BCKDK: variants seen among roughly 807,000 people sequenced by gnomAD.
BCKDK encodes branched chain keto acid dehydrogenase kinase.
A neutral mutation model predicts 43.9 loss-of-function variants in BCKDK; 28 were observed. The ratio of observed to expected loss-of-function variants is 0.64; its 90% confidence interval spans 0.47 to 0.87. BCKDK has a LOEUF of 0.87. Among genes scored for constraint, BCKDK ranks in the 40% least tolerant of loss-of-function variants. The pLI, the probability that BCKDK is intolerant of heterozygous loss-of-function variation, is 0.00. For missense variants in BCKDK, 483 were observed against 581.4 expected (o/e 0.83, Z 1.74); for synonymous variants, 257 against 234.3 (o/e 1.10, Z -0.88).
downstream of BCKDK, among the ~76,000 whole-genome samples, chr16:31,117,065 C>G (rs1024794469): frequency 6.6e-6 from 1 of 151,794 alleles, no homozygotes; most frequent in African/African-American, 2.4e-5. Context: ...TCCGCAGGTA[C>G]CAGGGCCTTT....
chr16:31,109,473 T>C lies in BCKDK; in HGVS notation c.196-38T>C, dbSNP rs1596808297. Reference sequence around the variant, plus strand: ...CGGGATGTAGGCGGGAGGGAGAGTGTTGGGGGTTCTCTGCTCAAGGCCTCT... The same window carrying C: ...CGGGATGTAGGCGGGAGGGAGAGTGCTGGGGGTTCTCTGCTCAAGGCCTCT... On this transcript the variant is annotated intron_variant, in intron 2 of 11. Coordinates refer to ENST00000219794, the MANE Select transcript of BCKDK (RefSeq NM_005881.4). The surrounding 1 kb of genome is among the most constrained non-coding windows in gnomAD (Gnocchi z 5.3). 1.9e-6 allele frequency: 3 copies of C among 1,613,634 alleles called. No individual in the cohort carries two copies. The highest frequency in any genetic ancestry group is 4.5e-5 in the East Asian group (2 of 44,844).
In BCKDK at chr16:31,112,481, C is replaced by G. The variant is rs898039227; in HGVS notation, c.*216C>G. 2 of 714,532 alleles carry G rather than the reference C, an allele frequency of 2.8e-6. No homozygotes were observed. Among genetic ancestry groups the G allele is most frequent in the Non-Finnish European group, 4.8e-6 (2 of 414,438 alleles). The allele number at this position is 714,532 out of a possible 1,614,324, so 44.3% of individuals were successfully genotyped here. A position where few individuals can be genotyped will look rare whatever the true frequency, so the allele number is the denominator to read the frequency against. ...AACTTGGAGCAGGGAAGTGGGCACC[C>G]TGAGGCCTCCAGCACCAGTTCCGTC... is the stretch of plus-strand genomic sequence containing the variant. On this transcript the variant is annotated 3_prime_UTR_variant, in exon 12 of 12. Coordinates refer to ENST00000219794, the MANE Select transcript of BCKDK (RefSeq NM_005881.4). This position sits in a 1 kb window ranked among gnomAD's most constrained non-coding sequence, Gnocchi z 5.0.
chr16:31,112,247 G>A lies in BCKDK; in HGVS notation c.1221G>A (p.Glu407=), dbSNP rs778775154. ...YLRLRHIDGR[E]ESFRI Reference sequence around the variant, plus strand: ...GGCTCCGCCACATCGATGGCCGGGAGGAAAGCTTCCGGATCTGACCCCACA... The same window carrying A: ...GGCTCCGCCACATCGATGGCCGGGAAGAAAGCTTCCGGATCTGACCCCACA... Residue 407 remains glutamate, a synonymous_variant, in exon 12 of 12, where the codon GAG becomes GAA. Coordinates refer to ENST00000219794, the MANE Select transcript of BCKDK (RefSeq NM_005881.4). This position sits in a 1 kb window ranked among gnomAD's most constrained non-coding sequence, Gnocchi z 5.0. 6 of 1,610,068 alleles carry A rather than the reference G, an allele frequency of 3.7e-6. No homozygotes were observed. The highest frequency in any genetic ancestry group is 4.2e-6 in the Non-Finnish European group (5 of 1,179,974).
chr16:31,109,598 A>G lies in BCKDK; in HGVS notation c.264+19A>G, dbSNP rs773734655. The G allele has an allele frequency of 7.4e-6, 12 of 1,613,308 alleles. No individual in the cohort carries two copies. The highest frequency in any genetic ancestry group is 4.0e-5 in the African/African-American group (3 of 74,694). On this transcript the variant is annotated intron_variant, in intron 3 of 11. Transcript: ENST00000219794. This position sits in a 1 kb window ranked among gnomAD's most constrained non-coding sequence, Gnocchi z 5.3. ...CCTTCTGGTAAGATTCACGCCCTCT[A>G]TTTTCCTCGTGGATCCTGGAGCTCT...
chr16:31,111,974 CCT>C lies in BCKDK; in HGVS notation c.1044_1045del (p.Phe349TrpfsTer7), dbSNP rs1399547974. 3.7e-6 allele frequency: 6 copies of C among 1,614,042 alleles called. No homozygotes were observed. Among genetic ancestry groups the C allele is most frequent in the South Asian group, 1.1e-5 (1 of 91,088 alleles). ...ASTQDPRISP[L>X]FGHLDMHSGA... Reference sequence around the variant, plus strand: ...GCACACAGGACCCCCGGATCAGCCCCCTCTTTGGCCATCTGGACATGCATAGT... The same window carrying C: ...GCACACAGGACCCCCGGATCAGCCCCCTTTGGCCATCTGGACATGCATAGT... On this transcript the variant is annotated frameshift_variant, in exon 11 of 12. Coordinates refer to ENST00000219794, the MANE Select transcript of BCKDK (RefSeq NM_005881.4). LOFTEE classifies it high-confidence loss of function.
In BCKDK at chr16:31,109,168, T is replaced by TCA; in HGVS notation, c.-55_-54dup. ...GCCCCATTTTGGGTCGCCTGGGTCC[T>TCA]CAGTCCTAGCGGATCCTCAGTCCTA... On this transcript the variant is annotated 5_prime_UTR_variant, in exon 2 of 12. Coordinates refer to ENST00000219794, the MANE Select transcript of BCKDK (RefSeq NM_005881.4). The surrounding 1 kb of genome is among the most constrained non-coding windows in gnomAD (Gnocchi z 5.3). 7.4e-7 allele frequency: 1 copy of TCA among 1,351,942 alleles called. No homozygotes were observed. The highest frequency in any genetic ancestry group is 2.7e-5 in the East Asian group (1 of 36,474). 83.7% of individuals were successfully genotyped at this position (1,351,942 alleles called of 1,614,324 possible).
downstream of BCKDK, chr16:31,117,497 C>T (rs564382071): frequency 4.5e-6 from 2 of 440,210 alleles, no homozygotes; most frequent in Admixed American, 4.4e-5. Context: ...AAACCAGGAG[C>T]TCCAAGACTG....
At chr16:31,113,444 ACAT>A (rs2057428777), downstream of BCKDK, among the ~76,000 whole-genome samples, 1 of 152,206 alleles carries the variant, frequency 6.6e-6, no homozygotes, top group Admixed American at 6.5e-5. Flanking sequence ...GGGCCCTGAA[ACAT>A]GGGATTTATC....
At position 31,110,153 on chromosome 16, in the gene BCKDK, G is replaced by A; in HGVS notation, c.423+29G>A. The A allele has an allele frequency of 6.2e-7, 1 of 1,614,186 alleles. No homozygotes were observed. Among genetic ancestry groups the A allele is most frequent in the Non-Finnish European group, 8.5e-7 (1 of 1,180,036 alleles). ...AGTGCTGGGCCAGAGCAGGGTGAGG[G>A]GCTGAGAGGTTGGGCTTGGACCACC... On this transcript the variant is annotated intron_variant, in intron 5 of 11. Transcript: ENST00000219794. The surrounding 1 kb of genome is among the most constrained non-coding windows in gnomAD (Gnocchi z 5.4).
chr16:31,109,543 C>T lies in BCKDK; in HGVS notation c.228C>T (p.Leu76=). The change falls in exon 3 of 12, where the codon CTC becomes CTT. Residue 76 remains leucine (L), a synonymous_variant. Coordinates refer to ENST00000219794, the MANE Select transcript of BCKDK (RefSeq NM_005881.4). This position sits in a 1 kb window ranked among gnomAD's most constrained non-coding sequence, Gnocchi z 5.3. The part of the protein sequence containing the change: ...PSVRLTPTMM[L]YAGRSQDGSH... ...TCCGCCTAACGCCCACCATGATGCT[C>T]TACGCTGGCCGCTCTCAGGACGGCA... 1 of 1,614,124 alleles carries T rather than the reference C, an allele frequency of 6.2e-7. No homozygotes were observed. Among genetic ancestry groups the T allele is most frequent in the Non-Finnish European group, 8.5e-7 (1 of 1,180,016 alleles).
In BCKDK at chr16:31,112,444, CCT is replaced by C. The variant is rs1439038402; in HGVS notation, c.*181_*182del. 2.0e-6 allele frequency: 2 copies of C among 1,022,288 alleles called. No homozygotes were observed. The highest frequency in any genetic ancestry group is 4.1e-5 in the Admixed American group (2 of 49,056). 63.3% of individuals were successfully genotyped at this position (1,022,288 alleles called of 1,614,324 possible). On this transcript the variant is annotated 3_prime_UTR_variant, in exon 12 of 12. Coordinates refer to ENST00000219794, the MANE Select transcript of BCKDK (RefSeq NM_005881.4). The surrounding 1 kb of genome is among the most constrained non-coding windows in gnomAD (Gnocchi z 5.0). ...CCTGCCTCAACAGGGTCCATTGCCTCCTCGCCTCCAGAACTTGGAGCAGGGAA... is the reference window on the plus strand; with the variant it reads ...CCTGCCTCAACAGGGTCCATTGCCTCCGCCTCCAGAACTTGGAGCAGGGAA...
rs2057385849 is a variant in BCKDK at position 31,108,930 on chromosome 16, C to T, written c.-177-117C>T. On this transcript the variant is annotated intron_variant, in intron 1 of 11. Coordinates refer to ENST00000219794, the MANE Select transcript of BCKDK (RefSeq NM_005881.4). The surrounding 1 kb of genome is among the most constrained non-coding windows in gnomAD (Gnocchi z 6.2). ...CGCGGCCTGTGTGCATCTGGGGAGACGGTGGGAGTGGTGGGGAGAGGTCGC... is the reference window on the plus strand; with the variant it reads ...CGCGGCCTGTGTGCATCTGGGGAGATGGTGGGAGTGGTGGGGAGAGGTCGC... 1.1e-5 allele frequency: 3 copies of T among 278,814 alleles called. 1 individual carries two copies. Among genetic ancestry groups the T allele is most frequent in the Admixed American group, 9.8e-5 (2 of 20,392 alleles). The allele number at this position is 278,814 out of a possible 1,614,324, so 17.3% of individuals were successfully genotyped here. A position where few individuals can be genotyped will look rare whatever the true frequency, so the allele number is the denominator to read the frequency against.
downstream of BCKDK, among the ~76,000 whole-genome samples, chr16:31,113,674 T>C (rs551322493): frequency 6.6e-6 from 1 of 152,224 alleles, no homozygotes; most frequent in Non-Finnish European, 1.5e-5. Flanking sequence ...CAAAGCCCTA[T>C]GTTGCCCCGG....
Position 31,109,431 on chromosome 16 carries a change from G to A in BCKDK, c.195+13G>A. 6.2e-7 allele frequency: 1 copy of A among 1,611,794 alleles called. No individual in the cohort carries two copies. Among genetic ancestry groups the A allele is most frequent in the Non-Finnish European group, 8.5e-7 (1 of 1,178,680 alleles). On this transcript the variant is annotated intron_variant, in intron 2 of 11. Transcript: ENST00000219794. The surrounding 1 kb of genome is among the most constrained non-coding windows in gnomAD (Gnocchi z 5.3). The stretch of plus-strand genomic sequence containing the variant: ...GGCAGCGGAGAAGGTGCGCAAGGGG[G>A]CAGCCAGCCCAGGGTCCGGGATGTA...
rs775340971 is a variant in BCKDK, at chr16:31,109,289, A to T, written c.66A>T (p.Gly22=). 61 of 1,601,394 alleles carry T rather than the reference A, an allele frequency of 3.8e-5. No individual in the cohort carries two copies. The Middle Eastern group carries it at 5.0e-4, about 13-fold the overall frequency. ...GGCTTCCGCTCCGGCCCCTCCTGGG[A>T]CCCGCACTCGCGCTCCGGGCCCGCT... ...GGGLPLRPLL[G]PALALRARST... The change falls in exon 2 of 12, where the codon GGA becomes GGT. Residue 22 remains glycine (G), a synonymous_variant. Coordinates refer to ENST00000219794, the MANE Select transcript of BCKDK (RefSeq NM_005881.4). This position sits in a 1 kb window ranked among gnomAD's most constrained non-coding sequence, Gnocchi z 5.3.
rs140334552 is a variant in BCKDK at position 31,111,138 on chromosome 16, A to G, written c.764A>G (p.Asn255Ser). Reference protein sequence around the residue: ...KYGNAPRVRINGHVAARFPFI... With the variant: ...KYGNAPRVRISGHVAARFPFI... The stretch of plus-strand genomic sequence containing the variant: ...GGCAATGCGCCCCGTGTCCGCATCA[A>G]TGGCCATGTGGCTGCCCGGTTCCCC... Residue 255 changes from asparagine to serine, a missense_variant, in exon 9 of 12, where the codon AAT becomes AGT. Coordinates refer to ENST00000219794, the MANE Select transcript of BCKDK (RefSeq NM_005881.4). 4.5e-5 allele frequency: 73 copies of G among 1,614,064 alleles called. No individual in the cohort carries two copies. The East Asian group carries it at 1.1e-3, about 24-fold the overall frequency.
chr16:31,111,473 C>T (rs2057412089), intron 10 of BCKDK, 84 bp downstream of exon 10: 2 of 1,428,486 alleles, frequency 1.4e-6, no homozygotes, highest in South Asian at 1.2e-5. Context: ...ACCTTGAGCC[C>T]CTTCCTGCCC....
chr16:31,109,474 T>A lies in BCKDK; in HGVS notation c.196-37T>A. 10 of 1,613,708 alleles carry A rather than the reference T, an allele frequency of 6.2e-6. No individual in the cohort carries two copies. The highest frequency in any genetic ancestry group is 8.5e-6 in the Non-Finnish European group (10 of 1,179,908). ...GGGATGTAGGCGGGAGGGAGAGTGT[T>A]GGGGGTTCTCTGCTCAAGGCCTCTC... On this transcript the variant is annotated intron_variant, in intron 2 of 11. Coordinates refer to ENST00000219794, the MANE Select transcript of BCKDK (RefSeq NM_005881.4). The surrounding 1 kb of genome is among the most constrained non-coding windows in gnomAD (Gnocchi z 5.3).
At position 31,110,961 on chromosome 16, in the gene BCKDK, G is replaced by A. The variant is rs1596810304; in HGVS notation, c.717-130G>A. 5.5e-6 allele frequency: 8 copies of A among 1,457,398 alleles called. No homozygotes were observed. The East Asian group carries it at 1.6e-4, about 29-fold the overall frequency. 90.3% of individuals were successfully genotyped at this position (1,457,398 alleles called of 1,614,324 possible). A position where few individuals can be genotyped will look rare whatever the true frequency, so the allele number is the denominator to read the frequency against. On this transcript the variant is annotated intron_variant, in intron 8 of 11. Transcript: ENST00000219794. This position sits in a 1 kb window ranked among gnomAD's most constrained non-coding sequence, Gnocchi z 5.4. Reference sequence around the variant, plus strand: ...TTCAGCAGCATCCCTGGCGCCAGCAGTACTGCCTAGTTGTGACAAACAAAA... The same window carrying A: ...TTCAGCAGCATCCCTGGCGCCAGCAATACTGCCTAGTTGTGACAAACAAAA...
Sources: allele counts gnomAD v4.1 joint callset (sites outside exome capture counted in the v4.1 genomes callset), GRCh38; gene constraint gnomAD v4.1.1; non-coding constraint Gnocchi (gnomAD v3.1); transcripts MANE v1.5; gene names NCBI Gene and HGNC (gene_info 2026-07-23, HGNC 2026-07-21).